Variants in MRPS28 observed in about 807,000 individuals in gnomAD.
The protein encoded by MRPS28 is mitochondrial ribosomal protein S28.
MRPS28 carries 7 observed loss-of-function variants against 10.8 expected under a neutral mutation model. That is an observed-to-expected ratio of 0.65 (90% CI 0.37 to 1.22). MRPS28 has a LOEUF of 1.22. MRPS28 is among the 50% of genes most tolerant of loss of function. MRPS28 has a pLI of 0.02. For missense variants in MRPS28, 265 were observed against 232.9 expected (o/e 1.14, Z -0.90); for synonymous variants, 121 against 93.3 (o/e 1.30, Z -1.71).
At chr8:79,938,056 A>T (rs987826583) in intron 2 of MRPS28, among the ~76,000 whole-genome samples, 9 of 152,202 alleles carry the variant, frequency 5.9e-5, no homozygotes, top group Non-Finnish European at 1.3e-4. Flanking sequence ...ACCATTGTTC[A>T]TAAATAAAAC....
chr8:80,003,613 C>T (rs543121561), intron 1 of MRPS28, among the ~76,000 whole-genome samples: 9 of 152,312 alleles, frequency 5.9e-5, no homozygotes, highest in South Asian at 2.1e-4. Context: ...ACTGAGGTAC[C>T]GGGTTCATTT....
chr8:79,996,351 A>C (rs780213670), intron 2 of MRPS28, among the ~76,000 whole-genome samples: 89 of 152,352 alleles, frequency 5.8e-4, no homozygotes, highest in Non-Finnish European at 1.1e-3. Context: ...ATTGGGGGTT[A>C]CACTATTCCA....
At chr8:79,982,212 A>G (rs1807978038) in intron 2 of MRPS28, among the ~76,000 whole-genome samples, 1 of 152,230 alleles carries the variant, frequency 6.6e-6, no homozygotes, top group Non-Finnish European at 1.5e-5. Flanking sequence ...GCACCACTGC[A>G]TTCCAGCCTG....
chr8:79,975,670 A>C (rs897142788), intron 2 of MRPS28, among the ~76,000 whole-genome samples: 3 of 152,194 alleles, frequency 2.0e-5, no homozygotes, highest in Admixed American at 1.3e-4. Context: ...GTGCAAATTA[A>C]ATCAATAATG....
At chr8:79,959,147 T>A (rs1021286960) in intron 2 of MRPS28, among the ~76,000 whole-genome samples, 1 of 152,074 alleles carries the variant, frequency 6.6e-6, no homozygotes, top group Non-Finnish European at 1.5e-5. Flanking sequence ...GCAGTAAAGA[T>A]TACTGAACTA....
intron 2 of MRPS28, among the ~76,000 whole-genome samples, chr8:79,974,175 G>C (rs1466135735): frequency 6.6e-6 from 1 of 152,104 alleles, no homozygotes; most frequent in African/African-American, 2.4e-5. Flanking sequence ...TGAACTTTTT[G>C]ACAGTACACC....
intron 1 of MRPS28, among the ~76,000 whole-genome samples, chr8:80,016,852 T>C (rs1396007240): frequency 1.3e-5 from 2 of 152,142 alleles, no homozygotes; most frequent in Non-Finnish European, 2.9e-5. Context: ...ATCATTACAG[T>C]TGGAGACTTT....
At chr8:79,952,334 TTC>T (rs1414766966) in intron 2 of MRPS28, among the ~76,000 whole-genome samples, 2 of 152,212 alleles carry the variant, frequency 1.3e-5, no homozygotes, top group Non-Finnish European at 2.9e-5. Flanking sequence ...TGGGCCTACT[TTC>T]TCTTTCTTCC....
At chr8:80,003,516 G>C (rs189408172) in intron 1 of MRPS28, among the ~76,000 whole-genome samples, 12 of 152,178 alleles carry the variant, frequency 7.9e-5, no homozygotes, top group Non-Finnish European at 1.2e-4. Context: ...ACAAAATTAG[G>C]GGTTCCAAGA....
At chr8:79,945,866 T>C (rs1351941853) in intron 2 of MRPS28, among the ~76,000 whole-genome samples, 1 of 152,146 alleles carries the variant, frequency 6.6e-6, no homozygotes, top group Admixed American at 6.6e-5. Flanking sequence ...ACAACTAATA[T>C]TTACTGAACA....
intron 2 of MRPS28, among the ~76,000 whole-genome samples, chr8:79,956,093 T>G (rs1170181914): frequency 1.3e-5 from 2 of 152,128 alleles, no homozygotes; most frequent in Non-Finnish European, 1.5e-5. Context: ...TTTTAAATTT[T>G]CTTGATGCCT....
chr8:79,967,718 T>C, intron 2 of MRPS28, among the ~76,000 whole-genome samples: 1 of 151,630 alleles, frequency 6.6e-6, no homozygotes, highest in Non-Finnish European at 1.5e-5. Flanking sequence ...AAAGTGATAC[T>C]ATTTGGCACT....
chr8:80,003,096 C>A lies in MRPS28; in HGVS notation c.298G>T (p.Val100Phe), dbSNP rs202091404. Residue 100 changes from valine (V) to phenylalanine (F), a missense_variant, in exon 2 of 3, where the codon GTC becomes TTC. By Grantham distance (50) the Val-to-Phe change is conservative. Transcript: ENST00000276585. ...TQMGPAKDKL[V>F]IGRIFHIVEN... ...ACAATATGAAAGATCCGTCCAATGA[C>A]CAGTTTATCCTTTGCAGGTCCCATC... 3.0e-4 allele frequency: 477 copies of A among 1,613,410 alleles called. 4 individuals carry two copies. Among genetic ancestry groups the A allele is most frequent in the Non-Finnish European group, 1.2e-5 (14 of 1,179,786 alleles).
intron 2 of MRPS28, among the ~76,000 whole-genome samples, chr8:79,970,163 C>T (rs1807595738): frequency 6.6e-6 from 1 of 152,104 alleles, no homozygotes; most frequent in South Asian, 2.1e-4. Context: ...TTAGTGACTC[C>T]AGAAGAGTAA....
chr8:80,007,350 A>G (rs1270279580), intron 1 of MRPS28, among the ~76,000 whole-genome samples: 6 of 152,206 alleles, frequency 3.9e-5, no homozygotes, highest in African/African-American at 1.4e-4. Flanking sequence ...CATTCCCTTT[A>G]AAAACTGGTG....
At chr8:79,924,563 C>G (rs1377177217) in intron 2 of MRPS28, among the ~76,000 whole-genome samples, 2 of 152,122 alleles carry the variant, frequency 1.3e-5, no homozygotes, top group East Asian at 3.9e-4. Flanking sequence ...AGTTGGAAGA[C>G]TTTATTCTAC....
intron 2 of MRPS28, among the ~76,000 whole-genome samples, chr8:79,982,643 C>G (rs1807998614): frequency 6.6e-6 from 1 of 152,198 alleles, no homozygotes; most frequent in Admixed American, 6.5e-5. Flanking sequence ...GTCCTATACC[C>G]ACGGAGTCTC....
chr8:79,970,371 TCTCTA>T, intron 2 of MRPS28, among the ~76,000 whole-genome samples: 1 of 152,308 alleles, frequency 6.6e-6, no homozygotes, highest in East Asian at 1.9e-4. Flanking sequence ...TGTAGAAAAT[TCTCTA>T]GCTATTTGAG....
intron 2 of MRPS28, among the ~76,000 whole-genome samples, chr8:79,939,891 AC>A (rs1423743853): frequency 1.3e-5 from 2 of 151,374 alleles, no homozygotes; most frequent in African/African-American, 4.8e-5. Context: ...AATGGCGTGA[AC>A]CCGGGAGGCG....
Sources: allele counts gnomAD v4.1 joint callset (sites outside exome capture counted in the v4.1 genomes callset), GRCh38; gene constraint gnomAD v4.1.1; transcripts MANE v1.5; gene names NCBI Gene and HGNC (gene_info 2026-07-23, HGNC 2026-07-21).